B3GALNT2: variants seen among roughly 807,000 people sequenced by gnomAD.
The protein encoded by B3GALNT2 is UDP-GalNAc:beta-1,3-N-acetylgalactosaminyltransferase 2.
Under a neutral mutation model 61.1 loss-of-function variants are expected in B3GALNT2, and 53 were observed. The ratio of observed to expected loss-of-function variants is 0.87; its 90% CI spans 0.70 to 1.09. The LOEUF (loss-of-function observed/expected upper bound fraction) is 1.09. Among genes scored for constraint, B3GALNT2 ranks in the 50% least tolerant of loss-of-function variants. B3GALNT2 has a pLI of 0.00. For missense variants in B3GALNT2, 544 were observed against 623.0 expected (o/e 0.87, Z 1.35); for synonymous variants, 223 against 237.4 (o/e 0.94, Z 0.56).
intron 4 of B3GALNT2, 85 bp downstream of exon 4, chr1:235,484,237 C>A (rs1684691298): frequency 4.0e-6 from 6 of 1,482,986 alleles, no homozygotes; most frequent in Non-Finnish European, 5.4e-6. Flanking sequence ...TATAGTCTTC[C>A]AATCTACTTA....
Position 235,448,012 on chromosome 1 carries a change from C to T in B3GALNT2, c.*2194G>A, listed in dbSNP as rs1558399992. ...GATCACGAGGTCAGGAGTTCAAGAC[C>T]AGCCTGGCCAACATGGTGAAACCCC... On this transcript the variant is annotated 3_prime_UTR_variant, in exon 12 of 12. Transcript: ENST00000366600. Among the ~76,000 whole-genome samples, 5 of 151,980 alleles carry T rather than the reference C, an allele frequency of 3.3e-5. No individual in the cohort carries two copies. The highest frequency in any genetic ancestry group is 3.3e-4 in the Admixed American group (5 of 15,248).
intron 7 of B3GALNT2, among the ~76,000 whole-genome samples, chr1:235,459,447 A>C (rs1355742870): frequency 2.6e-5 from 4 of 151,924 alleles, no homozygotes; most frequent in Non-Finnish European, 2.9e-5. Context: ...ATATAGGGAG[A>C]CCCCATCTCT....
At chr1:235,495,223 A>T (rs1685262545) in intron 1 of B3GALNT2, among the ~76,000 whole-genome samples, 1 of 152,230 alleles carries the variant, frequency 6.6e-6, no homozygotes, top group Non-Finnish European at 1.5e-5. Flanking sequence ...CTTGAGCCTC[A>T]GTTTCCTCAA....
At chr1:235,489,333 T>A in intron 2 of B3GALNT2, 65 bp from the exon 3 acceptor site, 1 of 1,594,450 alleles carries the variant, frequency 6.3e-7, no homozygotes, top group East Asian at 2.2e-5. Flanking sequence ...CGTTTCCTCA[T>A]GCCCATTTCA....
In B3GALNT2 at chr1:235,449,088, T is replaced by C. The variant is rs974347125; in HGVS notation, c.*1118A>G. 2.3e-5 allele frequency: 7 copies of C among 310,808 alleles called. No individual in the cohort carries two copies. The highest frequency in any genetic ancestry group is 1.4e-4 in the South Asian group (5 of 34,526). 19.3% of individuals were successfully genotyped at this position (310,808 alleles called of 1,614,324 possible). A position where few individuals can be genotyped will look rare whatever the true frequency, so the allele number is the denominator to read the frequency against. On this transcript the variant is annotated 3_prime_UTR_variant, in exon 12 of 12. Coordinates refer to ENST00000366600, the MANE Select transcript of B3GALNT2 (RefSeq NM_152490.5). The stretch of plus-strand genomic sequence containing the variant: ...TAATAAAATCTGAACACAGTTAATA[T>C]CTGTCATAAGACTAGTTTTAATGGA...
chr1:235,482,855 C>CA (rs1464621446), intron 4 of B3GALNT2, among the ~76,000 whole-genome samples: 1 of 151,878 alleles, frequency 6.6e-6, no homozygotes, highest in African/African-American at 2.4e-5. Context: ...AAACCCAAAC[C>CA]AAAAAACCCC....
At chr1:235,467,819 G>A (rs917200768) in intron 6 of B3GALNT2, among the ~76,000 whole-genome samples, 7 of 137,526 alleles carry the variant, frequency 5.1e-5, no homozygotes, top group Admixed American at 3.5e-4. Flanking sequence ...CACTCTTGTC[G>A]CCCAGGCTGG....
intron 1 of B3GALNT2, among the ~76,000 whole-genome samples, chr1:235,497,706 TTTC>T (rs1685391557): frequency 6.6e-6 from 1 of 152,232 alleles, no homozygotes; most frequent in South Asian, 2.1e-4. Context: ...AATCTATCCC[TTTC>T]TTGTCATTAA....
rs1181565395 is a variant in B3GALNT2, at chr1:235,448,306, T to TGTCA, written c.*1896_*1899dup. 5 of 1,540,746 alleles carry TGTCA rather than the reference T, an allele frequency of 3.2e-6. No individual in the cohort carries two copies. Among genetic ancestry groups the TGTCA allele is most frequent in the Non-Finnish European group, 4.5e-6 (5 of 1,113,556 alleles). ...CACATGAGCTAGTTTTACAGGTAACTGTCATTTGAGAGAACGAATGGACTT... is the reference window on the plus strand; with the variant it reads ...CACATGAGCTAGTTTTACAGGTAACTGTCAGTCATTTGAGAGAACGAATGGACTT... On this transcript the variant is annotated 3_prime_UTR_variant, in exon 12 of 12. Transcript: ENST00000366600.
Position 235,470,919 on chromosome 1 carries a change from G to A in B3GALNT2, c.693C>T (p.His231=), listed in dbSNP as rs150831923. 9.9e-6 allele frequency: 16 copies of A among 1,613,922 alleles called. No homozygotes were observed. The highest frequency in any genetic ancestry group is 5.5e-5 in the South Asian group (5 of 91,060). The change falls in exon 6 of 12, where the codon CAC becomes CAT. Residue 231 remains histidine, a synonymous_variant. Transcript: ENST00000366600. ...GTIVWESQDL[H]GLVSRNLHKV... ...TGTGGAGATTTCTTGACACAAGGCC[G>A]TGGAGGTCTTGGCTCTCCCACACGA...
At chr1:235,496,481 C>A (rs1169321408) in intron 1 of B3GALNT2, among the ~76,000 whole-genome samples, 1 of 151,508 alleles carries the variant, frequency 6.6e-6, no homozygotes, top group Non-Finnish European at 1.5e-5. Flanking sequence ...AACAGTTAAT[C>A]TGTGAAAAGC....
chr1:235,448,535 T>A lies in B3GALNT2; in HGVS notation c.*1671A>T. The A allele has an allele frequency of 7.1e-7, 1 of 1,404,166 alleles. No individual in the cohort carries two copies. The highest frequency in any genetic ancestry group is 1.0e-6 in the Non-Finnish European group (1 of 989,150). 87.0% of individuals were successfully genotyped at this position (1,404,166 alleles called of 1,614,324 possible). On this transcript the variant is annotated 3_prime_UTR_variant, in exon 12 of 12. Coordinates refer to ENST00000366600, the MANE Select transcript of B3GALNT2 (RefSeq NM_152490.5). ...TAGATAGCAACAGTTTGATTCTAAA[T>A]GGAGACCATGGGTCTGTTTGTTTGA...
At chr1:235,490,878 C>T (rs1386112880) in intron 2 of B3GALNT2, among the ~76,000 whole-genome samples, 1 of 152,076 alleles carries the variant, frequency 6.6e-6, no homozygotes, top group Non-Finnish European at 1.5e-5. Context: ...CTTTCCCCCA[C>T]TCTGTGTTCA....
intron 3 of B3GALNT2, among the ~76,000 whole-genome samples, chr1:235,486,939 G>C (rs916450212): frequency 1.3e-5 from 2 of 151,918 alleles, no homozygotes; most frequent in African/African-American, 2.4e-5. Context: ...GAGGCTGAGG[G>C]GGGTGGATCA....
At chr1:235,450,848 T>G (rs1173320293) in intron 11 of B3GALNT2, 1 of 152,802 alleles carries the variant, frequency 6.5e-6, no homozygotes. Flanking sequence ...GGCTGGTAAA[T>G]GAAGAGGAGG....
rs1270653419 is a variant in B3GALNT2 at position 235,448,805 on chromosome 1, C to T, written c.*1401G>A. On this transcript the variant is annotated 3_prime_UTR_variant, in exon 12 of 12. Transcript: ENST00000366600. ...TTAAAGACCACACTGCTTATCGTGT[C>T]TGGGGTTCACCGGAAATAAATGATT... The T allele has an allele frequency of 1.5e-6, 2 of 1,358,742 alleles. No individual in the cohort carries two copies. Among genetic ancestry groups the T allele is most frequent in the Non-Finnish European group, 2.1e-6 (2 of 950,548 alleles). The allele number at this position is 1,358,742 out of a possible 1,614,324, so 84.2% of individuals were successfully genotyped here.
At chr1:235,504,008 G>T in intron 1 of B3GALNT2, 133 bp downstream of exon 1, 1 of 1,013,008 alleles carries the variant, frequency 9.9e-7, no homozygotes, top group Non-Finnish European at 1.2e-6. Flanking sequence ...GAAAAGAGCC[G>T]TTTGTTTCGT....
At chr1:235,444,038 A>T (rs927104404), downstream of B3GALNT2, among the ~76,000 whole-genome samples, 4 of 152,242 alleles carry the variant, frequency 2.6e-5, no homozygotes, top group African/African-American at 9.6e-5. Flanking sequence ...TGAAATACAC[A>T]TCAGCTTAAT....
intron 2 of B3GALNT2, among the ~76,000 whole-genome samples, chr1:235,494,006 C>CTA (rs1434400517): frequency 2.0e-5 from 3 of 152,094 alleles, no homozygotes; most frequent in Admixed American, 2.0e-4. Flanking sequence ...TAACTGAGAG[C>CTA]TATCTAATGT....
Sources: gnomAD v4.1 joint callset for allele counts (sites outside exome capture counted in the v4.1 genomes callset) on GRCh38, gnomAD v4.1.1 for gene constraint, MANE v1.5 for transcripts, NCBI Gene and HGNC (gene_info 2026-07-23, HGNC 2026-07-21) for gene names.